The following SYNDIG1 variants were observed in gnomAD, a reference collection of about 807,000 sequenced individuals.
The protein encoded by SYNDIG1 is synapse differentiation inducing 1, also known as synapse differentiation-inducing gene protein 1.
SYNDIG1 carries 9 observed loss-of-function variants against 19.4 expected under a neutral mutation model. The ratio of observed to expected loss-of-function variants is 0.46; its 90% CI spans 0.28 to 0.81. The LOEUF (loss-of-function observed/expected upper bound fraction) is 0.81. SYNDIG1 is among the 30% of genes least tolerant of loss of function. The pLI, the probability that SYNDIG1 is intolerant of heterozygous loss-of-function variation, is 0.12. For missense variants in SYNDIG1, 311 were observed against 343.3 expected (o/e 0.91, Z 0.74); for synonymous variants, 141 against 145.9 (o/e 0.97, Z 0.24).
At chr20:24,654,654 A>AAGGAAGGG (rs2059506028) in intron 3 of SYNDIG1, among the ~76,000 whole-genome samples, 1 of 76,148 alleles carries the variant, frequency 1.3e-5, no homozygotes, top group African/African-American at 5.0e-5. Context: ...GGGAGGGAGG[A>AAGGAAGGG]AGGAAGGAAG....
intron 3 of SYNDIG1, among the ~76,000 whole-genome samples, chr20:24,610,654 C>A (rs2058832551): frequency 1.3e-5 from 2 of 152,302 alleles, no homozygotes; most frequent in East Asian, 3.9e-4. Flanking sequence ...ATTTATTATG[C>A]ATGAAAGTTG....
At position 24,489,917 on chromosome 20, in the gene SYNDIG1, C is replaced by T. The variant is rs58459987; in HGVS notation, c.-79+20164C>T. Among the ~76,000 whole-genome samples the T allele has an allele frequency of 5.2e-3, 791 of 152,330 alleles. 5 individuals carry two copies. Among genetic ancestry groups the T allele is most frequent in the African/African-American group, 0.017 (695 of 41,570 alleles). On this transcript the variant is annotated intron_variant, in intron 1 of 3. Coordinates refer to ENST00000376862, the MANE Select transcript of SYNDIG1 (RefSeq NM_024893.3). ...TGTGTCATCACCAAGCAGGCCTGGC[C>T]GCTGGTGCTGCAGTGCATAGGAGCC...
At chr20:24,597,528 G>A (rs1337779858) in intron 3 of SYNDIG1, among the ~76,000 whole-genome samples, 1 of 152,064 alleles carries the variant, frequency 6.6e-6, no homozygotes, top group Non-Finnish European at 1.5e-5. Flanking sequence ...CTGGAATTCT[G>A]GTCACTGTGT....
intron 1 of SYNDIG1, among the ~76,000 whole-genome samples, chr20:24,513,204 T>A (rs1293515224): frequency 6.6e-6 from 1 of 152,104 alleles, no homozygotes; most frequent in Non-Finnish European, 1.5e-5. Context: ...CTGAACATTT[T>A]AAAAATCGAG....
At chr20:24,510,704 A>G (rs1405915853) in intron 1 of SYNDIG1, among the ~76,000 whole-genome samples, 2 of 152,146 alleles carry the variant, frequency 1.3e-5, no homozygotes, top group African/African-American at 4.8e-5. Context: ...GAATCTGTAA[A>G]TTCACATCTT....
intron 3 of SYNDIG1, among the ~76,000 whole-genome samples, chr20:24,602,537 A>G (rs1272708880): frequency 2.6e-5 from 4 of 152,092 alleles, no homozygotes; most frequent in Admixed American, 2.6e-4. Flanking sequence ...TCCAACTTGG[A>G]TTCCTATGAT....
intron 2 of SYNDIG1, among the ~76,000 whole-genome samples, chr20:24,545,933 C>G (rs1368659332): frequency 1.3e-5 from 2 of 152,138 alleles, no homozygotes; most frequent in East Asian, 3.8e-4. Flanking sequence ...ATCGATGAAA[C>G]AGCAAGTTGT....
chr20:24,578,057 C>T lies in SYNDIG1; in HGVS notation c.481-6799C>T, dbSNP rs116117200. Reference sequence around the variant, plus strand: ...ATCCCTCATTCATTCAGCAAATGTGCGTGGGTCCTACTATGTGCCAGGCAC... The same window carrying T: ...ATCCCTCATTCATTCAGCAAATGTGTGTGGGTCCTACTATGTGCCAGGCAC... On this transcript the variant is annotated intron_variant, in intron 2 of 3. Transcript: ENST00000376862. Among the ~76,000 whole-genome samples, 890 of 152,322 alleles carry T rather than the reference C, an allele frequency of 5.8e-3. 8 individuals are homozygous for T. Among genetic ancestry groups the T allele is most frequent in the African/African-American group, 0.02 (845 of 41,562 alleles).
intron 1 of SYNDIG1, among the ~76,000 whole-genome samples, chr20:24,501,837 G>A (rs968576543): frequency 3.3e-5 from 5 of 152,170 alleles, no homozygotes; most frequent in African/African-American, 4.8e-5. Flanking sequence ...AAGTAAGGCC[G>A]GTGCCCCAGG....
intron 1 of SYNDIG1, among the ~76,000 whole-genome samples, chr20:24,536,788 G>A (rs2057370476): frequency 6.6e-6 from 1 of 152,178 alleles, no homozygotes; most frequent in Admixed American, 6.5e-5. Context: ...TCCTCCAGCT[G>A]TGGGATGAGG....
chr20:24,617,236 G>A (rs1446970828), intron 3 of SYNDIG1, among the ~76,000 whole-genome samples: 2 of 152,070 alleles, frequency 1.3e-5, no homozygotes, highest in South Asian at 4.1e-4. Flanking sequence ...CCCTCCAGCC[G>A]TCCCCACCGA....
chr20:24,505,922 T>C (rs2056580520), intron 1 of SYNDIG1, among the ~76,000 whole-genome samples: 1 of 152,236 alleles, frequency 6.6e-6, no homozygotes, highest in South Asian at 2.1e-4. Flanking sequence ...TGGTAGTAGC[T>C]AGATGCAGTC....
intron 3 of SYNDIG1, among the ~76,000 whole-genome samples, chr20:24,621,767 T>C (rs534317731): frequency 1.3e-5 from 2 of 152,074 alleles, no homozygotes; most frequent in Non-Finnish European, 2.9e-5. Context: ...TAACCATGAG[T>C]TGAGCTTGAA....
rs2059640074 is a variant in SYNDIG1 at position 24,665,489 on chromosome 20, G to A, written c.762G>A (p.Lys254=). ...VAVALIAYLS[K]NNHL is the part of the protein sequence containing the mutation. ...TGGCCCTCATCGCCTACCTCTCCAAGAACAACCACCTGTGAGCTTCCTGCG... is the reference window on the plus strand; with the variant it reads ...TGGCCCTCATCGCCTACCTCTCCAAAAACAACCACCTGTGAGCTTCCTGCG... The change falls in exon 4 of 4, where the codon AAG becomes AAA. Residue 254 remains lysine, a synonymous_variant. Transcript: ENST00000376862. 1 of 1,613,980 alleles carries A rather than the reference G, an allele frequency of 6.2e-7. No homozygotes were observed. The highest frequency in any genetic ancestry group is 1.3e-5 in the African/African-American group (1 of 75,016).
Position 24,535,624 on chromosome 20 carries a change from G to GA in SYNDIG1, c.-78-7387dup, listed in dbSNP as rs200678720. ...GTAAAAGAAGACAAAGGTTTTTCAT[G>GA]AAAAAAAAAGGGTGAAGATTGCACA... is the stretch of plus-strand genomic sequence containing the variant. On this transcript the variant is annotated intron_variant, in intron 1 of 3. Transcript: ENST00000376862. Among the ~76,000 whole-genome samples, 90 of 150,230 alleles carry GA rather than the reference G, an allele frequency of 6.0e-4. No individual in the cohort carries two copies. In the East Asian group the frequency reaches 8.4e-3, roughly 14 times the overall value.
chr20:24,548,988 T>C lies in SYNDIG1; in HGVS notation c.480+5411T>C, dbSNP rs1276763114. ...ATTCATGGGGTATATAGTGATGTTT[T>C]GATACATGTAACATATGGTGATCAG... On this transcript the variant is annotated intron_variant, in intron 2 of 3. Coordinates refer to ENST00000376862, the MANE Select transcript of SYNDIG1 (RefSeq NM_024893.3). Among the ~76,000 whole-genome samples the C allele has an allele frequency of 2.6e-5, 4 of 152,202 alleles. No homozygotes were observed. In the East Asian group the frequency reaches 7.7e-4, roughly 29 times the overall value.
At chr20:24,603,260 G>A (rs182658284) in intron 3 of SYNDIG1, among the ~76,000 whole-genome samples, 32 of 152,204 alleles carry the variant, frequency 2.1e-4, no homozygotes, top group South Asian at 2.1e-3. Context: ...GAGATTGTTC[G>A]TGGCTAGGAT....
chr20:24,570,990 G>A (rs942536433), intron 2 of SYNDIG1, among the ~76,000 whole-genome samples: 1 of 152,152 alleles, frequency 6.6e-6, no homozygotes, highest in East Asian at 1.9e-4. Context: ...CCTGGATCTC[G>A]AGGGTATTGT....
chr20:24,645,779 G>A (rs897875136), intron 3 of SYNDIG1, among the ~76,000 whole-genome samples: 1 of 152,200 alleles, frequency 6.6e-6, no homozygotes. Flanking sequence ...TGTATTCACA[G>A]GCTGAAAATG....
Sources: allele counts gnomAD v4.1 joint callset (sites outside exome capture counted in the v4.1 genomes callset), GRCh38; gene constraint gnomAD v4.1.1; transcripts MANE v1.5; gene names NCBI Gene and HGNC (gene_info 2026-07-23, HGNC 2026-07-21).